PCMT1: variants seen among roughly 807,000 people sequenced by gnomAD.
The protein encoded by PCMT1 is protein-L-isoaspartate(D-aspartate) O-methyltransferase.
PCMT1 carries 9 observed loss-of-function variants against 29.2 expected under a neutral mutation model. The ratio of observed to expected loss-of-function variants is 0.31; its 90% confidence interval spans 0.19 to 0.54. The LOEUF is 0.54. PCMT1 is among the 20% of genes least tolerant of loss of function. The pLI is 0.95. For synonymous variants in PCMT1, 98 were observed against 97.5 expected (o/e 1.00, Z -0.03); for missense variants, 184 against 282.2 (o/e 0.65, Z 2.49).
chr6:149,775,512 C>T (rs1488221031), intron 3 of PCMT1, among the ~76,000 whole-genome samples: 1 of 151,926 alleles, frequency 6.6e-6, no homozygotes, highest in African/African-American at 2.4e-5. Flanking sequence ...TTGAGACCAG[C>T]CTGGGCAACA....
intron 6 of PCMT1, among the ~76,000 whole-genome samples, chr6:149,800,523 G>T (rs1319642952): frequency 6.6e-6 from 1 of 151,940 alleles, no homozygotes; most frequent in Non-Finnish European, 1.5e-5. Flanking sequence ...CCAGAGTAAG[G>T]TTTCTTCTTT....
chr6:149,787,667 T>C (rs1219587212), intron 3 of PCMT1, among the ~76,000 whole-genome samples: 11 of 151,384 alleles, frequency 7.3e-5, no homozygotes, highest in Admixed American at 7.2e-4. Context: ...CCGGCCCAAA[T>C]GTTTTTAAAT....
At chr6:149,792,598 T>G (rs1788416460) in intron 4 of PCMT1, among the ~76,000 whole-genome samples, 1 of 152,060 alleles carries the variant, frequency 6.6e-6, no homozygotes, top group South Asian at 2.1e-4. Context: ...CTGCAGCCTC[T>G]GCCTCCCAGG....
chr6:149,790,643 G>A (rs1788327662), intron 4 of PCMT1, among the ~76,000 whole-genome samples: 1 of 151,790 alleles, frequency 6.6e-6, no homozygotes, highest in Non-Finnish European at 1.5e-5. Flanking sequence ...GGTGGGGCAT[G>A]TGGCTGGGGG....
upstream of PCMT1, chr6:149,749,706 G>C: frequency 6.6e-7 from 1 of 1,519,364 alleles, no homozygotes; most frequent in Non-Finnish European, 8.8e-7. Context: ...CGGCGTCACA[G>C]AGCGCATGCG....
chr6:149,786,711 C>G (rs1304902685), intron 3 of PCMT1, among the ~76,000 whole-genome samples: 1 of 151,314 alleles, frequency 6.6e-6, no homozygotes, highest in Non-Finnish European at 1.5e-5. Context: ...CCTCACATCC[C>G]AGACGGGGCG....
chr6:149,782,885 AGTGGCTGATGC>A (rs1451875648), intron 3 of PCMT1, among the ~76,000 whole-genome samples: 2 of 152,194 alleles, frequency 1.3e-5, no homozygotes, highest in Non-Finnish European at 2.9e-5. Flanking sequence ...GGCTGGGTGC[AGTGGCTGATGC>A]GTGTAATCTC....
intron 1 of PCMT1, among the ~76,000 whole-genome samples, chr6:149,755,993 A>G (rs1334133569): frequency 6.6e-6 from 1 of 152,152 alleles, no homozygotes; most frequent in East Asian, 1.9e-4. Context: ...CGAATTCCAG[A>G]TTTGGATTTA....
At chr6:149,764,954 C>T (rs370006536) in intron 1 of PCMT1, among the ~76,000 whole-genome samples, 5 of 140,534 alleles carry the variant, frequency 3.6e-5, no homozygotes, top group East Asian at 2.2e-4. Flanking sequence ...GGCAGGAAAA[C>T]GGCGTGAACC....
chr6:149,771,455 C>T (rs978830931), intron 2 of PCMT1, among the ~76,000 whole-genome samples, 189 bp downstream of exon 2: 7 of 152,128 alleles, frequency 4.6e-5, no homozygotes, highest in Admixed American at 1.3e-4. Flanking sequence ...TCTGTTTTCT[C>T]GAACAATATA....
chr6:149,755,128 G>A (rs150678342), intron 1 of PCMT1, among the ~76,000 whole-genome samples: 5 of 152,198 alleles, frequency 3.3e-5, no homozygotes, highest in East Asian at 3.9e-4. Context: ...AAGGAAGGCC[G>A]AGTGCGGTGG....
intron 3 of PCMT1, among the ~76,000 whole-genome samples, chr6:149,779,110 C>T (rs979658455): frequency 1.3e-5 from 2 of 152,058 alleles, no homozygotes; most frequent in Non-Finnish European, 2.9e-5. Flanking sequence ...CTCCTCTATG[C>T]GCAGAGAGGC....
intron 7 of PCMT1, among the ~76,000 whole-genome samples, chr6:149,803,933 T>C (rs1478720204): frequency 1.3e-5 from 2 of 151,498 alleles, no homozygotes; most frequent in Admixed American, 1.3e-4. Flanking sequence ...ACACAAAAAT[T>C]AGCTGGGCAT....
chr6:149,782,680 T>C (rs1169699016), intron 3 of PCMT1, among the ~76,000 whole-genome samples: 4 of 151,202 alleles, frequency 2.6e-5, no homozygotes, highest in Non-Finnish European at 5.9e-5. Context: ...AATTTGAGAA[T>C]CAACAAGAAT....
chr6:149,777,002 G>C (rs540417805), intron 3 of PCMT1, among the ~76,000 whole-genome samples: 48 of 150,526 alleles, frequency 3.2e-4, no homozygotes, highest in South Asian at 1.0e-3. Context: ...ATTTATTGAC[G>C]TCTTATTTAT....
chr6:149,802,674 G>A (rs1225034027), intron 7 of PCMT1: 1 of 244,396 alleles, frequency 4.1e-6, no homozygotes, highest in African/African-American at 2.3e-5. Context: ...ACTTTGTAAG[G>A]ATTTTTTCTT....
chr6:149,772,017 G>A (rs1447424166), intron 2 of PCMT1: 1 of 456,694 alleles, frequency 2.2e-6, no homozygotes, highest in Non-Finnish European at 4.4e-6. Context: ...TTTTTAGAAA[G>A]TCCTGTATTT....
At chr6:149,785,989 C>A (rs112236238) in intron 3 of PCMT1, among the ~76,000 whole-genome samples, 2 of 149,366 alleles carry the variant, frequency 1.3e-5, no homozygotes, top group Admixed American at 6.6e-5. Context: ...GGCGGCCGGG[C>A]AGAGGCGCCC....
chr6:149,751,878 A>G (rs929545499), intron 1 of PCMT1, among the ~76,000 whole-genome samples: 10 of 150,228 alleles, frequency 6.7e-5, no homozygotes, highest in Admixed American at 1.3e-4. Context: ...GAGAATGTTG[A>G]TTATTTTTTT....
Sources: allele counts gnomAD v4.1 joint callset (sites outside exome capture counted in the v4.1 genomes callset), GRCh38; gene constraint gnomAD v4.1.1; transcripts MANE v1.5; gene names NCBI Gene and HGNC (gene_info 2026-07-23, HGNC 2026-07-21).